CDHR2: variants seen among roughly 807,000 people sequenced by gnomAD.
CDHR2 encodes cadherin-related family member 2.
A neutral mutation model predicts 138.6 loss-of-function variants in CDHR2; 104 were observed. The ratio of observed to expected loss-of-function variants is 0.75; its 90% CI spans 0.64 to 0.88. The LOEUF (loss-of-function observed/expected upper bound fraction) is 0.88. Among genes scored for constraint, CDHR2 ranks in the 40% least tolerant of loss-of-function variants. CDHR2 has a pLI of 0.00. For synonymous variants in CDHR2, 755 were observed against 742.8 expected (o/e 1.02, Z -0.27); for missense variants, 1,624 against 1,727.6 (o/e 0.94, Z 1.06).
intron 15 of CDHR2, 76 bp from the exon 16 acceptor site, chr5:176,578,289 G>A (rs1277973046): frequency 1.8e-5 from 26 of 1,407,450 alleles, no homozygotes; most frequent in Non-Finnish European, 2.4e-5. Context: ...TGAAATATTT[G>A]TTGTTGTATA....
intron 1 of CDHR2, among the ~76,000 whole-genome samples, chr5:176,554,428 G>T (rs1388003011): frequency 6.6e-6 from 1 of 152,184 alleles, no homozygotes; most frequent in Non-Finnish European, 1.5e-5. Flanking sequence ...GCGCTGAGGT[G>T]GCACATTCTT....
intron 30 of CDHR2, 151 bp from the exon 31 acceptor site, chr5:176,592,572 T>G: frequency 1.0e-5 from 7 of 672,980 alleles, no homozygotes; most frequent in Non-Finnish European, 1.6e-5. Context: ...ATGGTAGTGA[T>G]GATGGTAGTT....
intron 31 of CDHR2, among the ~76,000 whole-genome samples, chr5:176,594,476 C>G (rs1758967973): frequency 6.6e-6 from 1 of 152,216 alleles, no homozygotes; most frequent in Admixed American, 6.5e-5. Flanking sequence ...CCCAAGTAAC[C>G]AGCAAGGAAA....
chr5:176,581,806 A>G (rs1758541189), intron 17 of CDHR2, among the ~76,000 whole-genome samples: 1 of 152,202 alleles, frequency 6.6e-6, no homozygotes, highest in Non-Finnish European at 1.5e-5. Context: ...AATGAATGGA[A>G]AGTGCTTGGT....
chr5:176,546,745 CAAAAAAAAAA>C (rs10719325), upstream of CDHR2, among the ~76,000 whole-genome samples: 3 of 61,334 alleles, frequency 4.9e-5, no homozygotes, highest in Non-Finnish European at 6.6e-5. Flanking sequence ...ACATGGTGCT[CAAAAAAAAAA>C]AAAAAAAAAA....
At position 176,565,387 on chromosome 5, in the gene CDHR2, C is replaced by T; in HGVS notation, c.35C>T (p.Pro12Leu). The change falls in exon 2 of 32, where the codon CCT becomes CTT. Residue 12 changes from proline to leucine, a missense_variant. This residue lies in a region of CDHR2 where 1,061 missense variants were observed against 1,136.6 expected (regional missense o/e 0.93). Transcript: ENST00000261944. ...CTATGGCTGTCCTGCTTCCTCCTTC[C>T]TGCCCTCGTGGTGTCTGGTAGGTGT... The part of the protein sequence containing the change: ...AQLWLSCFLL[P>L]ALVVSVAANV... 1.2e-6 allele frequency: 2 copies of T among 1,614,130 alleles called. No individual in the cohort carries two copies. The highest frequency in any genetic ancestry group is 1.3e-5 in the African/African-American group (1 of 75,028).
intron 21 of CDHR2, 123 bp from the exon 22 acceptor site, chr5:176,588,907 TG>T (rs1356393990): frequency 1.1e-6 from 1 of 934,386 alleles, no homozygotes; most frequent in Non-Finnish European, 1.6e-6. Context: ...CGGGGCAGCG[TG>T]GGGATGGCGG....
At position 176,586,962 on chromosome 5, in the gene CDHR2, C is replaced by A. The variant is rs995301122; in HGVS notation, c.2856+120C>A. On this transcript the variant is annotated intron_variant, in intron 21 of 31. Coordinates refer to ENST00000261944, the MANE Select transcript of CDHR2 (RefSeq NM_017675.6). ...GGGCTCCAACACATGAAAAAGAAAACCCCAGAAGGGAAACCAACACCTGTC... is the reference window on the plus strand; with the variant it reads ...GGGCTCCAACACATGAAAAAGAAAAACCCAGAAGGGAAACCAACACCTGTC... 2.3e-5 allele frequency: 18 copies of A among 787,712 alleles called. 2 individuals carry two copies. The highest frequency in any genetic ancestry group is 4.9e-5 in the Admixed American group (2 of 40,536). The allele number at this position is 787,712 out of a possible 1,614,324, so 48.8% of individuals were successfully genotyped here.
intron 1 of CDHR2, among the ~76,000 whole-genome samples, chr5:176,555,882 C>T (rs1169314421): frequency 4.0e-5 from 6 of 150,334 alleles, no homozygotes; most frequent in Non-Finnish European, 8.9e-5. Context: ...GCCTGGGAGA[C>T]AGAGTAAGAC....
Position 176,553,660 on chromosome 5 carries a change from A to G in CDHR2, c.-16+4246A>G, listed in dbSNP as rs955340230. ...CCAGCCCCTGGCTGTTCCTTACACAATGGACACCTGCAGTCTAGCAGTACC... is the reference window on the plus strand; with the variant it reads ...CCAGCCCCTGGCTGTTCCTTACACAGTGGACACCTGCAGTCTAGCAGTACC... On this transcript the variant is annotated intron_variant, in intron 1 of 31. Coordinates refer to ENST00000261944, the MANE Select transcript of CDHR2 (RefSeq NM_017675.6). The surrounding 1 kb of genome is among the most constrained non-coding windows in gnomAD (Gnocchi z 4.3). Among the ~76,000 whole-genome samples, 14 of 152,126 alleles carry G rather than the reference A, an allele frequency of 9.2e-5. No individual in the cohort carries two copies. The highest frequency in any genetic ancestry group is 3.1e-4 in the African/African-American group (13 of 41,502).
chr5:176,548,818 T>C (rs1338831639), upstream of CDHR2, among the ~76,000 whole-genome samples: 1 of 151,986 alleles, frequency 6.6e-6, no homozygotes, highest in African/African-American at 2.4e-5. Flanking sequence ...AGATGCCTTT[T>C]GAGGGTCTCA....
intron 17 of CDHR2, among the ~76,000 whole-genome samples, chr5:176,582,823 T>TG (rs1281671432): frequency 6.6e-6 from 1 of 152,150 alleles, no homozygotes; most frequent in Non-Finnish European, 1.5e-5. Flanking sequence ...GTACCTTGCC[T>TG]GGGGGTCACA....
At chr5:176,573,528 T>G (rs1176967885) in intron 6 of CDHR2, among the ~76,000 whole-genome samples, 46 of 151,354 alleles carry the variant, frequency 3.0e-4, no homozygotes. Flanking sequence ...GCGCCTATAA[T>G]CCCACCTACT....
chr5:176,577,291 G>A, intron 12 of CDHR2, 108 bp from the exon 13 acceptor site: 1 of 1,221,324 alleles, frequency 8.2e-7, no homozygotes, highest in East Asian at 2.5e-5. Flanking sequence ...CCCCTTCCAT[G>A]GGACCTCATC....
chr5:176,589,693 G>A (rs1758794709), intron 24 of CDHR2, 77 bp downstream of exon 24: 2 of 1,260,752 alleles, frequency 1.6e-6, no homozygotes, highest in Admixed American at 1.8e-5. Flanking sequence ...AACCTGGATG[G>A]GATGTCTCTC....
At chr5:176,556,222 G>A (rs1227192109) in intron 1 of CDHR2, among the ~76,000 whole-genome samples, 1 of 152,098 alleles carries the variant, frequency 6.6e-6, no homozygotes, top group Non-Finnish European at 1.5e-5. Context: ...ATATCAAATA[G>A]GCCAGTCACG....
chr5:176,551,416 G>T (rs1335827698), intron 1 of CDHR2, among the ~76,000 whole-genome samples: 3 of 152,228 alleles, frequency 2.0e-5, no homozygotes, highest in Non-Finnish European at 2.9e-5. Flanking sequence ...GGAAACAACA[G>T]TAGTGGCCGG....
intron 1 of CDHR2, among the ~76,000 whole-genome samples, chr5:176,558,038 A>AT (rs1042673605): frequency 6.6e-6 from 1 of 151,530 alleles, no homozygotes; most frequent in African/African-American, 2.4e-5. Flanking sequence ...AAAGATGAGG[A>AT]TTTTATTATC....
chr5:176,584,638 AG>A lies in CDHR2; in HGVS notation c.2363del (p.Gly788ValfsTer4), dbSNP rs868286996. The A allele has an allele frequency of 1.9e-6, 3 of 1,611,336 alleles. No homozygotes were observed. The highest frequency in any genetic ancestry group is 2.7e-5 in the African/African-American group (2 of 74,878). On this transcript the variant is annotated frameshift_variant, in exon 19 of 32. Coordinates refer to ENST00000261944, the MANE Select transcript of CDHR2 (RefSeq NM_017675.6). LOFTEE classifies it high-confidence loss of function. ...LTVSAENPDP[Q>X]GGETIVDVCV... ...GTGAGTGCTGAGAACCCAGACCCCC[AG>A]GGGGGTGAGACCATAGTAGACGTCT...
Sources: gnomAD v4.1 joint callset for allele counts (sites outside exome capture counted in the v4.1 genomes callset) on GRCh38, gnomAD v4.1.1 for gene constraint, gnomAD v4.1.1 regional missense constraint, Gnocchi (gnomAD v3.1) non-coding constraint, MANE v1.5 for transcripts, NCBI Gene and HGNC (gene_info 2026-07-23, HGNC 2026-07-21) for gene names.